Variants in RPH3AL observed in about 807,000 individuals in gnomAD.
RPH3AL encodes rab effector Noc2.
RPH3AL carries 38 observed loss-of-function variants against 43.1 expected under a neutral mutation model. The observed-to-expected ratio is 0.88, with a 90% confidence interval of 0.68 to 1.15. RPH3AL has a LOEUF of 1.15. Among genes scored for constraint, RPH3AL ranks in the 50% most tolerant of loss-of-function variants. The pLI is 0.00. For missense variants in RPH3AL, 462 were observed against 423.2 expected (o/e 1.09, Z -0.81); for synonymous variants, 189 against 176.3 (o/e 1.07, Z -0.57).
Position 213,511 on chromosome 17 carries a change from GCC to G in RPH3AL, c.*339_*340del. The G allele has an allele frequency of 2.4e-6, 1 of 418,832 alleles. No individual in the cohort carries two copies. The highest frequency in any genetic ancestry group is 4.4e-6 in the Non-Finnish European group (1 of 228,102). 25.9% of individuals were successfully genotyped at this position (418,832 alleles called of 1,614,324 possible). ...GCAACGGAGATAGCCCCACCGGGCG[GCC>G]CCTCTGACACTGCATGTGGGAAACC... On this transcript the variant is annotated 3_prime_UTR_variant, in exon 10 of 10. Transcript: ENST00000331302.
chr17:243,368 T>C (rs1459946930), intron 7 of RPH3AL, among the ~76,000 whole-genome samples: 1 of 136,428 alleles, frequency 7.3e-6, no homozygotes, highest in African/African-American at 2.7e-5. Flanking sequence ...CCTCTATTGA[T>C]TACCCTTCCT....
rs1555538407 is a variant in RPH3AL at position 243,919 on chromosome 17, A to ACTGATTAC, written c.613+3191_613+3192insGTAATCAG. Among the ~76,000 whole-genome samples the ACTGATTAC allele has an allele frequency of 3.7e-3, 522 of 140,720 alleles. 3 individuals are homozygous for ACTGATTAC. The highest frequency in any genetic ancestry group is 0.012 in the African/African-American group (437 of 36,690). 92.3% of individuals were successfully genotyped at this position (140,720 alleles called of 152,430 possible). On this transcript the variant is annotated intron_variant, in intron 7 of 9. Transcript: ENST00000331302. Reference sequence around the variant, plus strand: ...CCTCTATTACCTTCCTCTATTGATTACCTTCCTCTACTGATTACCCTTCCT... The same window carrying ACTGATTAC: ...CCTCTATTACCTTCCTCTATTGATTACTGATTACCCTTCCTCTACTGATTACCCTTCCT...
At chr17:313,240 G>A (rs560218384) in intron 5 of RPH3AL, among the ~76,000 whole-genome samples, 1 of 152,178 alleles carries the variant, frequency 6.6e-6, no homozygotes, top group South Asian at 2.1e-4. Context: ...TCCCAGTGAC[G>A]GCCATCACCA....
At chr17:297,923 G>A (rs1406732769) in intron 5 of RPH3AL, among the ~76,000 whole-genome samples, 1 of 152,154 alleles carries the variant, frequency 6.6e-6, no homozygotes, top group Admixed American at 6.5e-5. Flanking sequence ...AGAGAGGCAA[G>A]AAAATGACAC....
At chr17:339,838 G>A (rs774734720) in intron 1 of RPH3AL, among the ~76,000 whole-genome samples, 1 of 152,178 alleles carries the variant, frequency 6.6e-6, no homozygotes, top group African/African-American at 2.4e-5. Flanking sequence ...TGTAAGTCGC[G>A]CAGTAATTGG....
chr17:247,586 C>T (rs765255257), intron 6 of RPH3AL: 57 of 356,396 alleles, frequency 1.6e-4, no homozygotes, highest in Admixed American at 3.4e-4. Context: ...CCTGGGCTCA[C>T]GCGGTCCTCC....
rs138009712 is a variant in RPH3AL at position 265,949 on chromosome 17, T to G, written c.438+15819A>C. 2.6e-3 allele frequency among the ~76,000 whole-genome samples: 400 copies of G among 152,272 alleles called. 5 individuals carry two copies. The highest frequency in any genetic ancestry group is 9.3e-3 in the African/African-American group (386 of 41,568). The stretch of plus-strand genomic sequence containing the variant: ...GTGAGTCTCCGCTCACGGCGGATGT[T>G]CAGCGTGAGGGGGCAAAGCACAAGC... On this transcript the variant is annotated intron_variant, in intron 6 of 9. Transcript: ENST00000331302.
At chr17:220,273 C>A (rs1200723813) in intron 7 of RPH3AL, among the ~76,000 whole-genome samples, 2 of 150,194 alleles carry the variant, frequency 1.3e-5, no homozygotes, top group South Asian at 2.1e-4. Context: ...GACCCAAGAA[C>A]AACAGCTCTG....
rs148017340 is a variant in RPH3AL, at chr17:319,445, G to A, written c.326C>T (p.Ser109Leu). Reference sequence around the variant, plus strand: ...CTTCCTGCAGTCTTTGCAGAACACCGACGAGCTGCCCAGGAAGCCCAGCAC... The same window carrying A: ...CTTCCTGCAGTCTTTGCAGAACACCAACGAGCTGCCCAGGAAGCCCAGCAC... ...GEVLGFLGSS[S>L]VFCKDCRKKV... is the part of the protein sequence containing the mutation. Residue 109 changes from serine (S) to leucine (L), a missense_variant, in exon 5 of 10, where the codon TCG becomes TTG. Coordinates refer to ENST00000331302, the MANE Select transcript of RPH3AL (RefSeq NM_006987.4). 3.9e-5 allele frequency: 63 copies of A among 1,612,452 alleles called. No individual in the cohort carries two copies. The highest frequency in any genetic ancestry group is 2.8e-4 in the African/African-American group (21 of 75,032).
chr17:302,422 C>T (rs760604200), intron 5 of RPH3AL, among the ~76,000 whole-genome samples: 21 of 152,212 alleles, frequency 1.4e-4, no homozygotes, highest in African/African-American at 2.4e-4. Flanking sequence ...TCCAAGGAGC[C>T]GTTGCAGGGA....
In RPH3AL at chr17:328,195, C is replaced by T. The variant is rs1244934669; in HGVS notation, c.-36-616G>A. 6.6e-6 allele frequency among the ~76,000 whole-genome samples: 1 copy of T among 151,756 alleles called. No homozygotes were observed. Among genetic ancestry groups the T allele is most frequent in the Non-Finnish European group, 1.5e-5 (1 of 67,932 alleles). On this transcript the variant is annotated intron_variant, in intron 2 of 9. Coordinates refer to ENST00000331302, the MANE Select transcript of RPH3AL (RefSeq NM_006987.4). This position sits in a 1 kb window ranked among gnomAD's most constrained non-coding sequence, Gnocchi z 4.2. ...GCCATGAAAATGGCACCTGGGGATCCCCCAGGGAGGTGGCCCTGCTCCAGG... is the reference window on the plus strand; with the variant it reads ...GCCATGAAAATGGCACCTGGGGATCTCCCAGGGAGGTGGCCCTGCTCCAGG...
At chr17:331,472 G>A in intron 2 of RPH3AL, 3 of 937,016 alleles carry the variant, frequency 3.2e-6, no homozygotes, top group South Asian at 1.7e-5. Flanking sequence ...CCGGCTCTGG[G>A]ACGGCTGTGC....
chr17:315,468 G>T (rs1555519979), intron 5 of RPH3AL, among the ~76,000 whole-genome samples: 1 of 145,922 alleles, frequency 6.9e-6, no homozygotes, highest in African/African-American at 2.6e-5. Flanking sequence ...TGTAGTCCCT[G>T]TGCTCCCACC....
At chr17:240,719 TTTGG>T (rs2041508630) in intron 7 of RPH3AL, among the ~76,000 whole-genome samples, 1 of 152,184 alleles carries the variant, frequency 6.6e-6, no homozygotes, top group Non-Finnish European at 1.5e-5. Flanking sequence ...GTTGCCACTT[TTTGG>T]TTATAATACT....
intron 7 of RPH3AL, among the ~76,000 whole-genome samples, chr17:231,554 G>C (rs1486055013): frequency 6.6e-6 from 1 of 152,242 alleles, no homozygotes; most frequent in Non-Finnish European, 1.5e-5. Context: ...GCTGGAATCA[G>C]ATGGGGCAGA....
chr17:287,005 G>A (rs1261872275), intron 5 of RPH3AL, among the ~76,000 whole-genome samples: 144 of 56,046 alleles, frequency 2.6e-3, no homozygotes, highest in Non-Finnish European at 3.3e-3. Flanking sequence ...TCTCTCCACC[G>A]TCAGACCTCA....
intron 6 of RPH3AL, among the ~76,000 whole-genome samples, chr17:250,709 C>G (rs533425455): frequency 1.3e-5 from 2 of 149,652 alleles, no homozygotes; most frequent in Non-Finnish European, 2.9e-5. Context: ...CGGGACCTCT[C>G]AGAGCCTTTA....
intron 7 of RPH3AL, among the ~76,000 whole-genome samples, chr17:222,678 C>T (rs2151504192): frequency 6.6e-6 from 1 of 152,310 alleles, no homozygotes; most frequent in Non-Finnish European, 1.5e-5. Flanking sequence ...GGTGCTTCTG[C>T]AAGATTGGCC....
chr17:319,317 A>T, intron 5 of RPH3AL, 103 bp downstream of exon 5: 1 of 1,382,428 alleles, frequency 7.2e-7, no homozygotes, highest in Admixed American at 2.3e-5. Flanking sequence ...CACATGCCCA[A>T]CGCAGACATA....
Sources: gnomAD v4.1 joint callset for allele counts (sites outside exome capture counted in the v4.1 genomes callset) on GRCh38, gnomAD v4.1.1 for gene constraint, Gnocchi (gnomAD v3.1) non-coding constraint, MANE v1.5 for transcripts, NCBI Gene and HGNC (gene_info 2026-07-23, HGNC 2026-07-21) for gene names.